MID1: variants seen among roughly 807,000 people sequenced by gnomAD.
MID1 encodes midline 1.
In MID1, 7 loss-of-function variants were observed where a neutral mutation model predicts 40.4. That is an observed-to-expected ratio of 0.17 (90% CI 0.10 to 0.33). The LOEUF is 0.33. Among genes scored for constraint, MID1 ranks in the 10% least tolerant of loss-of-function variants. The probability of loss-of-function intolerance (pLI) is 1.00; values close to 1 mark genes in which losing one functional copy is unlikely to be tolerated. For missense variants in MID1, 367 were observed against 558.5 expected, an observed-to-expected ratio of 0.66 and a Z score of 3.46; for synonymous variants, 229 against 221.2, an observed-to-expected ratio of 1.04 and a Z score of -0.31.
chrX:10,742,770 G>T lies in MID1; in HGVS notation c.-187+90784C>A, dbSNP rs745402219. Reference sequence around the variant, plus strand: ...TATCCAGTCATTGGAGCAATTGGTTGATTTTGGCAGTCTCCATGACTAATG... The same window carrying T: ...TATCCAGTCATTGGAGCAATTGGTTTATTTTGGCAGTCTCCATGACTAATG... On this transcript the variant is annotated intron_variant, in intron 1 of 10. Transcript: ENST00000380785. 4.0e-4 allele frequency among the ~76,000 whole-genome samples: 45 copies of T among 112,305 alleles called. No individual in the cohort carries two copies. In the Middle Eastern group the frequency reaches 0.014, roughly 34 times the overall value.
chrX:10,513,369 A>G (rs1479467241), intron 3 of MID1, among the ~76,000 whole-genome samples: 5 of 112,422 alleles, frequency 4.4e-5, no homozygotes, highest in African/African-American at 1.6e-4. Context: ...AATGGGAGCA[A>G]TAAGTGAACC....
chrX:10,776,673 C>A (rs1261190632), intron 1 of MID1, among the ~76,000 whole-genome samples: 1 of 111,161 alleles, frequency 9.0e-6, no homozygotes, highest in Non-Finnish European at 1.9e-5. Flanking sequence ...CAAGACCAGC[C>A]TGGGCAACAT....
At chrX:10,573,171 T>C (rs1047553497) in intron 1 of MID1, among the ~76,000 whole-genome samples, 1 of 112,747 alleles carries the variant, frequency 8.9e-6, no homozygotes, top group African/African-American at 3.2e-5. Flanking sequence ...AGTAGATGTT[T>C]TGCTGGAAAA....
chrX:10,466,445 T>C (rs1929391382), intron 7 of MID1, among the ~76,000 whole-genome samples: 1 of 111,777 alleles, frequency 8.9e-6, no homozygotes, highest in Admixed American at 9.6e-5. Context: ...CATGTAGATA[T>C]TATACATTTA....
intron 3 of MID1, among the ~76,000 whole-genome samples, chrX:10,500,572 T>G (rs765133685): frequency 1.8e-5 from 2 of 112,353 alleles, no homozygotes; most frequent in African/African-American, 3.2e-5. Flanking sequence ...TTTTCCACAG[T>G]TTTGCTGTTT....
chrX:10,615,857 G>A (rs1313593367), intron 1 of MID1, among the ~76,000 whole-genome samples: 1 of 112,543 alleles, frequency 8.9e-6, no homozygotes, highest in African/African-American at 3.2e-5. Context: ...TTGATAATGA[G>A]CCAGAATCTT....
intron 1 of MID1, among the ~76,000 whole-genome samples, chrX:10,693,686 C>T (rs1244585613): frequency 9.0e-6 from 1 of 111,204 alleles, no homozygotes; most frequent in African/African-American, 3.3e-5. Context: ...TGAATATTAC[C>T]ATGTATGTAT....
At chrX:10,465,465 T>C (rs1359200804) in intron 7 of MID1, among the ~76,000 whole-genome samples, 2 of 109,286 alleles carry the variant, frequency 1.8e-5, no homozygotes, top group Non-Finnish European at 3.8e-5. Context: ...CTATCACTTT[T>C]ATTACTCCTG....
In MID1 at chrX:10,638,726, C is replaced by T. The variant is rs1017658179; in HGVS notation, c.-186-18307G>A. Reference sequence around the variant, plus strand: ...TGCCTCCTCAAGTGGGTCCCTGACCCCCAAGTAGCCTAACTGGGAGACACA... The same window carrying T: ...TGCCTCCTCAAGTGGGTCCCTGACCTCCAAGTAGCCTAACTGGGAGACACA... On this transcript the variant is annotated intron_variant, in intron 1 of 10. Transcript: ENST00000380785. 2.7e-5 allele frequency among the ~76,000 whole-genome samples: 3 copies of T among 112,206 alleles called. No homozygotes were observed. In the East Asian group the frequency reaches 8.4e-4, roughly 32 times the overall value.
intron 7 of MID1, among the ~76,000 whole-genome samples, chrX:10,463,930 A>ATTCT (rs1329293065): frequency 8.9e-6 from 1 of 112,287 alleles, no homozygotes; most frequent in East Asian, 2.8e-4. Context: ...ATCTGAATGA[A>ATTCT]TTCTTTCTTT....
intron 1 of MID1, among the ~76,000 whole-genome samples, chrX:10,818,930 T>G (rs1376009235): frequency 9.0e-6 from 1 of 111,727 alleles, no homozygotes; most frequent in Non-Finnish European, 1.9e-5. Context: ...AGCTCAAAAG[T>G]TTATCCTCCT....
At chrX:10,485,750 A>T (rs1930582699) in intron 4 of MID1, among the ~76,000 whole-genome samples, 1 of 112,242 alleles carries the variant, frequency 8.9e-6, no homozygotes, top group Non-Finnish European at 1.9e-5. Flanking sequence ...AACCCAAAAC[A>T]ATTAGGTCCA....
chrX:10,699,542 G>T (rs891160002), intron 1 of MID1, among the ~76,000 whole-genome samples: 2 of 111,520 alleles, frequency 1.8e-5, no homozygotes, highest in Non-Finnish European at 3.8e-5. Context: ...CTCATCACTT[G>T]TTTTCTCTGG....
intron 3 of MID1, among the ~76,000 whole-genome samples, chrX:10,520,175 C>T (rs1175397451): frequency 9.0e-6 from 1 of 111,673 alleles, no homozygotes; most frequent in Non-Finnish European, 1.9e-5. Context: ...AAATTGTATT[C>T]GCATTTTTTT....
At chrX:10,652,075 C>G (rs1427887257) in intron 1 of MID1, among the ~76,000 whole-genome samples, 2 of 112,239 alleles carry the variant, frequency 1.8e-5, no homozygotes, top group Non-Finnish European at 3.8e-5. Flanking sequence ...GAACTTACTC[C>G]TTCTAAATGA....
At chrX:10,466,486 G>A (rs771729931) in intron 7 of MID1, among the ~76,000 whole-genome samples, 3 of 111,081 alleles carry the variant, frequency 2.7e-5, no homozygotes, top group African/African-American at 9.8e-5. Flanking sequence ...TCTCAACTTC[G>A]ACATTACTGA....
In MID1 at chrX:10,474,694, T is replaced by A; in HGVS notation, c.1070A>T (p.Asp357Val). ...ATCTAAGGCAAAGGTGTCAAATGTGTCATTGAGGTTGATTTCAGGAATTAG... is the reference window on the plus strand; with the variant it reads ...ATCTAAGGCAAAGGTGTCAAATGTGACATTGAGGTTGATTTCAGGAATTAG... ...QVLIPEINLNDTFDTFALDFS... is the reference protein window; with the variant it reads ...QVLIPEINLNVTFDTFALDFS... Residue 357 changes from aspartate (D) to valine (V), a missense_variant, in exon 6 of 10, where the codon GAC (aspartate) becomes GTC (valine). Physicochemically the swap from Asp to Val is radical, Grantham distance 152 (BLOSUM62 -3). Coordinates refer to ENST00000317552, the MANE Select transcript of MID1 (RefSeq NM_000381.4). 8.3e-7 allele frequency: 1 copy of A among 1,207,243 alleles called. No homozygotes were observed. Among genetic ancestry groups the A allele is most frequent in the Non-Finnish European group, 1.1e-6 (1 of 891,384 alleles).
chrX:10,669,617 C>T (rs775635262), intron 1 of MID1, among the ~76,000 whole-genome samples: 14 of 111,789 alleles, frequency 1.3e-4, no homozygotes, highest in African/African-American at 4.2e-4. Context: ...AGTGTTTCAC[C>T]AACACATAGG....
At chrX:10,684,047 G>A (rs1017668854) in intron 1 of MID1, among the ~76,000 whole-genome samples, 11 of 110,297 alleles carry the variant, frequency 1.0e-4, no homozygotes, top group African/African-American at 3.6e-4. Context: ...TGGGATTACA[G>A]GCATGAGCCA....
Sources: allele counts gnomAD v4.1 joint callset (sites outside exome capture counted in the v4.1 genomes callset), GRCh38; gene constraint gnomAD v4.1.1; transcripts MANE v1.5; gene names NCBI Gene and HGNC (gene_info 2026-07-23, HGNC 2026-07-21).